The following FAM20A variants were observed in gnomAD, a reference collection of about 807,000 sequenced individuals.
FAM20A encodes the protein FAM20A golgi associated secretory pathway pseudokinase.
In FAM20A, 42 loss-of-function variants were observed where a neutral mutation model predicts 52.0. The ratio of observed to expected loss-of-function variants is 0.81; its 90% CI spans 0.63 to 1.04. The LOEUF (loss-of-function observed/expected upper bound fraction) is 1.04. Among genes scored for constraint, FAM20A ranks in the 50% least tolerant of loss-of-function variants. The probability of loss-of-function intolerance (pLI) is 0.00; values close to 1 mark genes in which losing one functional copy is unlikely to be tolerated. For missense variants in FAM20A, 742 were observed against 712.7 expected (o/e 1.04, Z -0.47); for synonymous variants, 304 against 298.9 (o/e 1.02, Z -0.18).
chr17:68,572,020 A>C (rs1190719801), intron 1 of FAM20A, among the ~76,000 whole-genome samples: 76 of 113,354 alleles, frequency 6.7e-4, no homozygotes, highest in African/African-American at 2.6e-3. Flanking sequence ...ATATATATAT[A>C]TATATATATA....
At chr17:68,556,906 G>C (rs909292468) in intron 1 of FAM20A, among the ~76,000 whole-genome samples, 6 of 152,068 alleles carry the variant, frequency 3.9e-5, no homozygotes, top group Non-Finnish European at 7.4e-5. Flanking sequence ...AAACATGGCA[G>C]ATTTGGGCGT....
In FAM20A at chr17:68,539,870, C is replaced by G. The variant is rs2086211961; in HGVS notation, c.1301+15G>C. ...CTGGGAGAGGGGATTGTTGAACACA[C>G]GTGGGGAAGCTCACCCTCTGGCGTT... On this transcript the variant is annotated intron_variant, in intron 9 of 10. Transcript: ENST00000592554. 3.7e-6 allele frequency: 6 copies of G among 1,612,930 alleles called. No homozygotes were observed. Among genetic ancestry groups the G allele is most frequent in the Non-Finnish European group, 5.1e-6 (6 of 1,178,990 alleles).
chr17:68,552,317 T>TGAAGAATGTTTTCCTAA (rs1448646993), intron 3 of FAM20A, among the ~76,000 whole-genome samples: 1 of 152,188 alleles, frequency 6.6e-6, no homozygotes, highest in Non-Finnish European at 1.5e-5. Flanking sequence ...CTGAAAACCC[T>TGAAGAATGTTTTCCTAA]GAAGAATGTT....
At chr17:68,567,756 T>A (rs2087419597) in intron 1 of FAM20A, among the ~76,000 whole-genome samples, 1 of 151,994 alleles carries the variant, frequency 6.6e-6, no homozygotes, top group South Asian at 2.1e-4. Flanking sequence ...TCCCCACGTG[T>A]CAACGAAGGG....
chr17:68,586,308 T>G (rs1348874828), intron 1 of FAM20A, among the ~76,000 whole-genome samples: 1 of 151,908 alleles, frequency 6.6e-6, no homozygotes, highest in Non-Finnish European at 1.5e-5. Flanking sequence ...TTTACAAGAG[T>G]GAAGATAAAT....
intron 5 of FAM20A, 76 bp from the exon 6 acceptor site, chr17:68,542,885 T>C (rs149917082): frequency 1.7e-6 from 2 of 1,149,934 alleles, no homozygotes; most frequent in Admixed American, 1.7e-5. Flanking sequence ...CCCCGGCCAG[T>C]GCACATTAGG....
chr17:68,590,446 G>A (rs2088273218), intron 1 of FAM20A: 1 of 151,996 alleles, frequency 6.6e-6, no homozygotes. Context: ...GAACCCGTGG[G>A]AGAAAGAGAC....
intron 1 of FAM20A, among the ~76,000 whole-genome samples, chr17:68,565,717 C>CT (rs1317005683): frequency 6.6e-6 from 1 of 151,966 alleles, no homozygotes; most frequent in Non-Finnish European, 1.5e-5. Context: ...TAATTTTCCC[C>CT]TTTTTTTCTG....
At position 68,537,494 on chromosome 17, in the gene FAM20A, C is replaced by T. The variant is rs2086127802; in HGVS notation, c.1609G>A (p.Ala537Thr). 1 of 1,614,008 alleles carries T rather than the reference C, an allele frequency of 6.2e-7. No individual in the cohort carries two copies. The highest frequency in any genetic ancestry group is 8.5e-7 in the Non-Finnish European group (1 of 1,179,982). Residue 537 changes from alanine to threonine, a missense_variant, in exon 11 of 11, where the codon GCT becomes ACT. Ala to Thr is a moderately conservative substitution (Grantham distance 58). Coordinates refer to ENST00000592554, the MANE Select transcript of FAM20A (RefSeq NM_017565.4). The surrounding 1 kb of genome is among the most constrained non-coding windows in gnomAD (Gnocchi z 4.2). ...GCCAGCCCTTAGCTTGTCAAGTTAG[C>T]CTGGCCAGAGTCTGGGGCCAACTGT... is the stretch of plus-strand genomic sequence containing the variant. ...VEQLAPDSGQ[A>T]NLTS is the part of the protein sequence containing the mutation.
intron 1 of FAM20A, chr17:68,590,429 G>T (rs2088272363): frequency 6.6e-6 from 1 of 151,710 alleles, no homozygotes; most frequent in Non-Finnish European, 1.5e-5. Context: ...TCAGGAGAAA[G>T]AGACGTGAAC....
chr17:68,542,277 G>T, intron 6 of FAM20A, 112 bp from the exon 7 acceptor site: 1 of 1,156,054 alleles, frequency 8.7e-7, no homozygotes, highest in Non-Finnish European at 1.3e-6. Flanking sequence ...CTCACAGCTC[G>T]GGAAGAGAAA....
At chr17:68,541,603 T>G in intron 7 of FAM20A, 1 of 199,274 alleles carries the variant, frequency 5.0e-6, no homozygotes, top group Admixed American at 5.3e-5. Context: ...TCCCAGGGCT[T>G]GCTCGGGAAC....
At position 68,565,003 on chromosome 17, in the gene FAM20A, A is replaced by C. The variant is rs1598041718; in HGVS notation, c.405-9260T>G. Among the ~76,000 whole-genome samples, 6 of 152,262 alleles carry C rather than the reference A, an allele frequency of 3.9e-5. 1 individual carries two copies. Among genetic ancestry groups the C allele is most frequent in the Admixed American group, 3.9e-4 (6 of 15,300 alleles). On this transcript the variant is annotated intron_variant, in intron 1 of 10. Transcript: ENST00000592554. Reference sequence around the variant, plus strand: ...ACTAACCACACGGCTTCAGGTCTGAAAATCTTCCCCAGTGCCTAAATTTCC... The same window carrying C: ...ACTAACCACACGGCTTCAGGTCTGACAATCTTCCCCAGTGCCTAAATTTCC...
At chr17:68,546,101 A>G (rs778818801) in intron 4 of FAM20A, among the ~76,000 whole-genome samples, 33 of 145,896 alleles carry the variant, frequency 2.3e-4, no homozygotes, top group African/African-American at 6.8e-4. Context: ...CCCAGGAGGC[A>G]GAGGTTGCAG....
rs377139288 is a variant in FAM20A, at chr17:68,552,903, G to A, written c.641-952C>T. Among the ~76,000 whole-genome samples the A allele has an allele frequency of 8.4e-3, 912 of 108,664 alleles. 85 individuals are homozygous for A. The highest frequency in any genetic ancestry group is 0.028 in the African/African-American group (871 of 31,070). 71.3% of individuals were successfully genotyped at this position (108,664 alleles called of 152,430 possible). A position where few individuals can be genotyped will look rare whatever the true frequency, so the allele number is the denominator to read the frequency against. Reference sequence around the variant, plus strand: ...TCACCCTGTTAGCCAGGATGGTCTCGATCTCCTGACCTCATGATCCACCCG... The same window carrying A: ...TCACCCTGTTAGCCAGGATGGTCTCAATCTCCTGACCTCATGATCCACCCG... On this transcript the variant is annotated intron_variant, in intron 3 of 10. Transcript: ENST00000592554.
At chr17:68,545,708 ACTT>A (rs2086523372) in intron 4 of FAM20A, among the ~76,000 whole-genome samples, 1 of 152,192 alleles carries the variant, frequency 6.6e-6, no homozygotes, top group Non-Finnish European at 1.5e-5. Context: ...CCAAAGTAGA[ACTT>A]CTGTCAAAAT....
intron 1 of FAM20A, among the ~76,000 whole-genome samples, chr17:68,574,735 C>A (rs2087677712): frequency 6.6e-6 from 1 of 152,146 alleles, no homozygotes. Context: ...AAGTCAAGAG[C>A]TCTATTTGGC....
intron 4 of FAM20A, among the ~76,000 whole-genome samples, chr17:68,544,493 C>T (rs2086458068): frequency 1.3e-5 from 2 of 152,072 alleles, no homozygotes; most frequent in African/African-American, 4.8e-5. Context: ...TGATGATCTT[C>T]GAATAATTTT....
chr17:68,568,528 T>C (rs968633795), intron 1 of FAM20A, among the ~76,000 whole-genome samples: 5 of 151,666 alleles, frequency 3.3e-5, no homozygotes, highest in African/African-American at 1.2e-4. Flanking sequence ...AAACTTACTG[T>C]GTCATACTTC....
Sources: gnomAD v4.1 joint callset for allele counts (sites outside exome capture counted in the v4.1 genomes callset) on GRCh38, gnomAD v4.1.1 for gene constraint, Gnocchi (gnomAD v3.1) non-coding constraint, MANE v1.5 for transcripts, NCBI Gene and HGNC (gene_info 2026-07-23, HGNC 2026-07-21) for gene names.